Variants in GLIS2 observed in about 807,000 individuals in gnomAD.
GLIS2 encodes GLIS family zinc finger 2.
Under a neutral mutation model 35.6 loss-of-function variants are expected in GLIS2, and 14 were observed. The ratio of observed to expected loss-of-function variants is 0.39; its 90% CI spans 0.26 to 0.61. GLIS2 has a LOEUF of 0.61. GLIS2 is among the 20% of genes least tolerant of loss of function. The pLI is 0.48. For missense variants in GLIS2, 675 were observed against 713.4 expected, an observed-to-expected ratio of 0.95 and a Z score of 0.61; for synonymous variants, 368 against 325.1, an observed-to-expected ratio of 1.13 and a Z score of -1.42.
intron 1 of GLIS2, among the ~76,000 whole-genome samples, chr16:4,317,149 A>G (rs1200903339): frequency 6.6e-6 from 1 of 152,078 alleles, no homozygotes. Flanking sequence ...CAATGGTTTC[A>G]AGGAGTTGCC....
At chr16:4,336,620 A>G (rs943897783) in intron 6 of GLIS2, 105 bp from the exon 7 acceptor site, 2 of 1,155,600 alleles carry the variant, frequency 1.7e-6, no homozygotes, top group Admixed American at 4.0e-5. Context: ...TGGGGCATCT[A>G]TGTTCCCAGG....
At position 4,335,113 on chromosome 16, in the gene GLIS2, C is replaced by T; in HGVS notation, c.576C>T (p.Tyr192=). Reference sequence around the variant, plus strand: ...ACCTGGTGGACCATGTCAACGATTACCATGTCAAGCCCGAGAAGGATGCGG... The same window carrying T: ...ACCTGGTGGACCATGTCAACGATTATCATGTCAAGCCCGAGAAGGATGCGG... The part of the protein sequence containing the change: ...LQDLVDHVND[Y]HVKPEKDAGY... The change falls in exon 5 of 7, where the codon TAC becomes TAT. Residue 192 remains tyrosine (Y), a synonymous_variant. Coordinates refer to ENST00000433375, the MANE Select transcript of GLIS2 (RefSeq NM_032575.3). The surrounding 1 kb of genome is among the most constrained non-coding windows in gnomAD (Gnocchi z 4.6). 1.2e-6 allele frequency: 2 copies of T among 1,613,320 alleles called. No homozygotes were observed. Among genetic ancestry groups the T allele is most frequent in the East Asian group, 4.5e-5 (2 of 44,888 alleles).
chr16:4,324,735 C>T (rs528123843), intron 1 of GLIS2: 12 of 152,416 alleles, frequency 7.9e-5, no homozygotes, highest in African/African-American at 2.9e-4. Flanking sequence ...AGGAGAAGCA[C>T]TCAATAGTGA....
At position 4,324,346 on chromosome 16, in the gene GLIS2, G is replaced by T. The variant is rs191795657; in HGVS notation, c.-66-7869G>T. On this transcript the variant is annotated intron_variant, in intron 1 of 6. Coordinates refer to ENST00000433375, the MANE Select transcript of GLIS2 (RefSeq NM_032575.3). Reference sequence around the variant, plus strand: ...TCCAGTCCTGGGAGGAGGCCTGTCTGCGGCCAGCTCCTTCCAGGGTTGATC... The same window carrying T: ...TCCAGTCCTGGGAGGAGGCCTGTCTTCGGCCAGCTCCTTCCAGGGTTGATC... Among the ~76,000 whole-genome samples the T allele has an allele frequency of 1.1e-4, 16 of 152,340 alleles. No individual in the cohort carries two copies. The East Asian group carries it at 2.5e-3, about 24-fold the overall frequency.
In GLIS2 at chr16:4,320,920, C is replaced by T. The variant is rs72633269; in HGVS notation, c.-67+4666C>T. Reference sequence around the variant, plus strand: ...GTCACCCTGCTTGGTTCTAGGGCCACTGGGCCCCGAGGGCCTGGAGCCACC... The same window carrying T: ...GTCACCCTGCTTGGTTCTAGGGCCATTGGGCCCCGAGGGCCTGGAGCCACC... On this transcript the variant is annotated intron_variant, in intron 1 of 6. Transcript: ENST00000433375. The surrounding 1 kb of genome is among the most constrained non-coding windows in gnomAD (Gnocchi z 5.6). Among the ~76,000 whole-genome samples the T allele has an allele frequency of 0.096, 14,640 of 152,244 alleles. 1,229 individuals are homozygous for T. Among genetic ancestry groups the T allele is most frequent in the East Asian group, 0.43 (2,186 of 5,136 alleles).
At chr16:4,316,816 T>G (rs1204019959) in intron 1 of GLIS2, among the ~76,000 whole-genome samples, 1 of 152,062 alleles carries the variant, frequency 6.6e-6, no homozygotes, top group Non-Finnish European at 1.5e-5. Context: ...TTGGGACAAG[T>G]CAGGCACTTG....
At chr16:4,324,934 G>A (rs975133302) in intron 1 of GLIS2, among the ~76,000 whole-genome samples, 6 of 152,166 alleles carry the variant, frequency 3.9e-5, no homozygotes, top group South Asian at 2.1e-4. Context: ...CTGAGAGGAC[G>A]AGCCCTCCTG....
intron 1 of GLIS2, among the ~76,000 whole-genome samples, chr16:4,318,417 G>A (rs563000316): frequency 6.6e-6 from 1 of 152,344 alleles, no homozygotes; most frequent in East Asian, 1.9e-4. Flanking sequence ...AATTATCCGA[G>A]GGTGGAGCCC....
At chr16:4,324,460 T>C (rs556896578) in intron 1 of GLIS2, among the ~76,000 whole-genome samples, 3 of 152,312 alleles carry the variant, frequency 2.0e-5, no homozygotes, top group African/African-American at 7.2e-5. Flanking sequence ...CTCCCCAGGA[T>C]TGAAGAGGCC....
upstream of GLIS2, chr16:4,315,108 C>T (rs1178087566): frequency 1.3e-5 from 2 of 152,228 alleles, no homozygotes; most frequent in Non-Finnish European, 2.9e-5. Flanking sequence ...ATCTAGACCT[C>T]CCGCGGCGCT....
chr16:4,323,846 C>G (rs1330925400), intron 1 of GLIS2, among the ~76,000 whole-genome samples: 1 of 152,192 alleles, frequency 6.6e-6, no homozygotes, highest in Non-Finnish European at 1.5e-5. Flanking sequence ...GAGGACAAGG[C>G]CCTCCCTTGC....
chr16:4,331,207 C>G lies in GLIS2; in HGVS notation c.-66-1008C>G, dbSNP rs1021262860. On this transcript the variant is annotated intron_variant, in intron 1 of 6. Transcript: ENST00000433375. ...GTGTTAGCCAGGATGGTCTCTATCT[C>G]CTGACCTCGTGATCTCCCCGCCTTG... is the stretch of plus-strand genomic sequence containing the variant. Among the ~76,000 whole-genome samples the G allele has an allele frequency of 3.6e-4, 54 of 152,040 alleles. 2 individuals carry two copies. Among genetic ancestry groups the G allele is most frequent in the African/African-American group, 1.3e-3 (53 of 41,364 alleles).
chr16:4,322,416 C>T (rs2053387884), intron 1 of GLIS2, among the ~76,000 whole-genome samples: 1 of 152,170 alleles, frequency 6.6e-6, no homozygotes, highest in African/African-American at 2.4e-5. Context: ...CCCAGCTGTG[C>T]CCCTTGCTGG....
At chr16:4,327,878 C>A (rs2141126648) in intron 1 of GLIS2, among the ~76,000 whole-genome samples, 1 of 152,216 alleles carries the variant, frequency 6.6e-6, no homozygotes, top group African/African-American at 2.4e-5. Context: ...TCCGCGGCCA[C>A]CCCCACCCCC....
At chr16:4,323,581 G>T (rs545360378) in intron 1 of GLIS2, among the ~76,000 whole-genome samples, 9 of 152,250 alleles carry the variant, frequency 5.9e-5, no homozygotes, top group Admixed American at 3.9e-4. Flanking sequence ...TGTGTGTGCC[G>T]GGGCTCCCGG....
At chr16:4,325,929 TAAAAAAAAAAAAAAA>T (rs58290393) in intron 1 of GLIS2, among the ~76,000 whole-genome samples, 2 of 40,122 alleles carry the variant, frequency 5.0e-5, no homozygotes, top group Admixed American at 7.5e-4. Context: ...CTCTGTGTCT[TAAAAAAAAAAAAAAA>T]AAAAAAAAAA....
rs1333800367 is a variant in GLIS2, at chr16:4,332,223, G to A, written c.-58G>A. 1.3e-5 allele frequency: 21 copies of A among 1,588,482 alleles called. No homozygotes were observed. Among genetic ancestry groups the A allele is most frequent in the East Asian group, 4.6e-5 (2 of 43,780 alleles). On this transcript the variant is annotated 5_prime_UTR_variant, in exon 2 of 7. The change creates a new upstream start codon in the 5' untranslated region. Coordinates refer to ENST00000433375, the MANE Select transcript of GLIS2 (RefSeq NM_032575.3). This position sits in a 1 kb window ranked among gnomAD's most constrained non-coding sequence, Gnocchi z 5.4. The stretch of plus-strand genomic sequence containing the variant: ...CTCCTGTCCTTCCCCAGGTTCCTGC[G>A]TGAAGACCAGCTGGGAGCCCACTGC...
rs2053508413 is a variant in GLIS2 at position 4,332,458 on chromosome 16, G to C, written c.172+6G>C. ...TCCAGGCTCCCCGCCCTCAGGTACT[G>C]GCCCTGGGCAGGGCAGGGGGACTTA... On this transcript the variant is annotated splice_donor_region_variant and intron_variant, in intron 2 of 6. Transcript: ENST00000433375. This position sits in a 1 kb window ranked among gnomAD's most constrained non-coding sequence, Gnocchi z 5.4. 4 of 1,610,586 alleles carry C rather than the reference G, an allele frequency of 2.5e-6. No homozygotes were observed. The highest frequency in any genetic ancestry group is 1.9e-4 in the Middle Eastern group (1 of 5,390).
intron 1 of GLIS2, among the ~76,000 whole-genome samples, chr16:4,331,227 G>A (rs1202990033): frequency 2.0e-5 from 3 of 152,054 alleles, no homozygotes; most frequent in African/African-American, 7.2e-5. Context: ...TGATCTCCCC[G>A]CCTTGGCCTC....
Sources: gnomAD v4.1 joint callset for allele counts (sites outside exome capture counted in the v4.1 genomes callset) on GRCh38, gnomAD v4.1.1 for gene constraint, Gnocchi (gnomAD v3.1) non-coding constraint, MANE v1.5 for transcripts, NCBI Gene and HGNC (gene_info 2026-07-23, HGNC 2026-07-21) for gene names.